The following CSMD1 variants were observed in gnomAD, a reference collection of about 807,000 sequenced individuals.
The protein encoded by CSMD1 is CUB and Sushi multiple domains 1.
A neutral mutation model predicts 417.5 loss-of-function variants in CSMD1; 213 were observed. The observed-to-expected ratio is 0.51, with a 90% CI of 0.46 to 0.57. The LOEUF (loss-of-function observed/expected upper bound fraction) is 0.57. CSMD1 is among the 20% of genes least tolerant of loss of function. CSMD1 has a pLI of 0.00. For synonymous variants in CSMD1, 2,862 were observed against 1,736.8 expected (o/e 1.65, Z -16.11); for missense variants, 6,923 against 4,529.7 (o/e 1.53, Z -15.17).
In CSMD1 at chr8:4,951,736, A is replaced by T. The variant is rs187589805; in HGVS notation, c.85+42596T>A. On this transcript the variant is annotated intron_variant, in intron 1 of 69. Coordinates refer to ENST00000635120, the MANE Select transcript of CSMD1 (RefSeq NM_033225.6). ...AGAATCTCCCTATATTAATAATGTT[A>T]CTCACAATCTTTCTCCACCCACACC... 2.7e-3 allele frequency among the ~76,000 whole-genome samples: 406 copies of T among 151,780 alleles called. 3 individuals carry two copies. Among genetic ancestry groups the T allele is most frequent in the Non-Finnish European group, 4.8e-3 (328 of 67,878 alleles).
chr8:3,098,331 G>C (rs1033771198), intron 46 of CSMD1, among the ~76,000 whole-genome samples: 2 of 152,172 alleles, frequency 1.3e-5, no homozygotes, highest in East Asian at 1.9e-4. Context: ...TTTTCAAACA[G>C]ATGAGCGAAG....
chr8:4,341,245 A>G (rs763050025), intron 3 of CSMD1, among the ~76,000 whole-genome samples: 11 of 152,116 alleles, frequency 7.2e-5, no homozygotes, highest in Non-Finnish European at 1.3e-4. Flanking sequence ...ACTGTTTTCC[A>G]GTATTTTTCA....
intron 1 of CSMD1, among the ~76,000 whole-genome samples, chr8:4,966,573 C>A (rs1056247509): frequency 2.0e-5 from 3 of 152,118 alleles, no homozygotes; most frequent in African/African-American, 7.2e-5. Context: ...AAGTGTCACA[C>A]TGACATGCTA....
At chr8:4,130,325 GTCT>G (rs1422620389) in intron 3 of CSMD1, among the ~76,000 whole-genome samples, 3 of 152,042 alleles carry the variant, frequency 2.0e-5, no homozygotes, top group Non-Finnish European at 4.4e-5. Context: ...TATGCCTAAG[GTCT>G]TCTATTCCAA....
intron 10 of CSMD1, among the ~76,000 whole-genome samples, chr8:3,551,749 G>C (rs1429871287): frequency 6.6e-6 from 1 of 152,032 alleles, no homozygotes; most frequent in African/African-American, 2.4e-5. Context: ...GTATACTAAA[G>C]TCCGTGACAA....
At chr8:4,516,583 T>G (rs907857188) in intron 2 of CSMD1, among the ~76,000 whole-genome samples, 4 of 152,138 alleles carry the variant, frequency 2.6e-5, no homozygotes, top group Non-Finnish European at 5.9e-5. Flanking sequence ...CTGGAAGAGC[T>G]TGTGTTGTAT....
intron 5 of CSMD1, among the ~76,000 whole-genome samples, chr8:3,765,728 G>A (rs764330649): frequency 6.6e-6 from 1 of 152,156 alleles, no homozygotes; most frequent in Non-Finnish European, 1.5e-5. Context: ...CCTTGCAGGT[G>A]GGGGCGCCCA....
intron 12 of CSMD1, among the ~76,000 whole-genome samples, chr8:3,434,186 T>C (rs1289286444): frequency 2.0e-5 from 3 of 152,222 alleles, no homozygotes; most frequent in African/African-American, 4.8e-5. Flanking sequence ...AAATATTCCT[T>C]AGAACATTTC....
At chr8:4,695,331 G>A (rs186358492) in intron 1 of CSMD1, among the ~76,000 whole-genome samples, 4 of 152,022 alleles carry the variant, frequency 2.6e-5, no homozygotes, top group Non-Finnish European at 5.9e-5. Flanking sequence ...ACTTCATTCA[G>A]CCTACATCCA....
At chr8:3,990,692 C>T (rs1180658935) in intron 5 of CSMD1, among the ~76,000 whole-genome samples, 2 of 152,138 alleles carry the variant, frequency 1.3e-5, no homozygotes, top group African/African-American at 4.8e-5. Context: ...GTGAAGAAAT[C>T]TCAAATTCAG....
chr8:3,110,078 T>C (rs1283030903), intron 43 of CSMD1, 80 bp downstream of exon 43: 1 of 1,149,618 alleles, frequency 8.7e-7, no homozygotes, highest in Non-Finnish European at 1.2e-6. Flanking sequence ...ATATGTGCCT[T>C]GTATATAAGT....
rs112395836 is a variant in CSMD1, at chr8:4,286,497, G to A, written c.415+133456C>T. Among the ~76,000 whole-genome samples, 744 of 152,122 alleles carry A rather than the reference G, an allele frequency of 4.9e-3. 6 individuals carry two copies. Among genetic ancestry groups the A allele is most frequent in the African/African-American group, 0.017 (694 of 41,520 alleles). On this transcript the variant is annotated intron_variant, in intron 3 of 69. Transcript: ENST00000635120. ...TCTTCATTTTAATAAGACGGTTGTG[G>A]CACAGGAAGGAAGACACTCTTCTGA...
intron 1 of CSMD1, among the ~76,000 whole-genome samples, chr8:4,822,252 C>G (rs1225678221): frequency 6.6e-6 from 1 of 152,098 alleles, no homozygotes; most frequent in Non-Finnish European, 1.5e-5. Context: ...CACTTGCTAA[C>G]TAGAGGATCC....
intron 30 of CSMD1, among the ~76,000 whole-genome samples, chr8:3,213,725 A>G (rs1797736833): frequency 6.6e-6 from 1 of 150,666 alleles, no homozygotes; most frequent in Admixed American, 6.7e-5. Context: ...ATTAAAATAT[A>G]TATGTATATA....
rs186575940 is a variant in CSMD1 at position 4,233,481 on chromosome 8, G to T, written c.415+186472C>A. 1.3e-3 allele frequency among the ~76,000 whole-genome samples: 194 copies of T among 152,316 alleles called. 2 individuals carry two copies. The highest frequency in any genetic ancestry group is 2.3e-3 in the Non-Finnish European group (154 of 68,032). On this transcript the variant is annotated intron_variant, in intron 3 of 69. Transcript: ENST00000635120. ...CCTTTGGAAATGCTTTGATTAGGAAGAAGGAGCTTTCATGAACGGGATTAG... is the reference window on the plus strand; with the variant it reads ...CCTTTGGAAATGCTTTGATTAGGAATAAGGAGCTTTCATGAACGGGATTAG...
Position 3,303,982 on chromosome 8 carries a change from TCAAA to T in CSMD1, c.3950+3709_3950+3712del, listed in dbSNP as rs562896428. On this transcript the variant is annotated intron_variant, in intron 25 of 69. Coordinates refer to ENST00000635120, the MANE Select transcript of CSMD1 (RefSeq NM_033225.6). The stretch of plus-strand genomic sequence containing the variant: ...AACTATTTTGGGGTATTCGATTACC[TCAAA>T]CAAAGAGGAATAGCACTATATAAGC... 2.4e-4 allele frequency among the ~76,000 whole-genome samples: 36 copies of T among 151,828 alleles called. No individual in the cohort carries two copies. In the East Asian group the frequency reaches 4.7e-3, roughly 20 times the overall value.
intron 1 of CSMD1, chr8:4,788,005 G>A (rs528151473): frequency 5.8e-5 from 92 of 1,590,568 alleles, no homozygotes; most frequent in East Asian, 1.1e-4. Flanking sequence ...CAGTGTTATC[G>A]GGATCTCAAA....
intron 26 of CSMD1, among the ~76,000 whole-genome samples, chr8:3,277,342 T>C (rs1277088607): frequency 6.6e-6 from 1 of 152,148 alleles, no homozygotes; most frequent in African/African-American, 2.4e-5. Flanking sequence ...CCTGGGTGCC[T>C]GTGCGCAGGT....
At chr8:3,972,696 A>G (rs1333751447) in intron 5 of CSMD1, among the ~76,000 whole-genome samples, 1 of 152,246 alleles carries the variant, frequency 6.6e-6, no homozygotes, top group Non-Finnish European at 1.5e-5. Flanking sequence ...GATATTGCAA[A>G]TAGCTTCTTT....
Sources: allele counts gnomAD v4.1 joint callset (sites outside exome capture counted in the v4.1 genomes callset), GRCh38; gene constraint gnomAD v4.1.1; transcripts MANE v1.5; gene names NCBI Gene and HGNC (gene_info 2026-07-23, HGNC 2026-07-21).